SPPL2B: variants seen among roughly 807,000 people sequenced by gnomAD.
SPPL2B encodes the protein signal peptide peptidase like 2B.
In SPPL2B, 39 loss-of-function variants were observed where a neutral mutation model predicts 59.7. The ratio of observed to expected loss-of-function variants is 0.65; its 90% CI spans 0.51 to 0.85. The LOEUF (loss-of-function observed/expected upper bound fraction) is 0.85. Among genes scored for constraint, SPPL2B ranks in the 40% least tolerant of loss-of-function variants. The pLI is 0.00. For synonymous variants in SPPL2B, 419 were observed against 370.8 expected (o/e 1.13, Z -1.49); for missense variants, 865 against 849.0 (o/e 1.02, Z -0.23).
Position 2,339,808 on chromosome 19 carries a change from C to A in SPPL2B, c.600-16C>A. ...AGCCGGCCCCAGGGCCCCACGACCC[C>A]ATGGTGTCTCCCAAGAAGGTACATG... On this transcript the variant is annotated splice_polypyrimidine_tract_variant and intron_variant, in intron 5 of 14. Coordinates refer to ENST00000613503, the MANE Select transcript of SPPL2B (RefSeq NM_152988.3). 1 of 1,602,264 alleles carries A rather than the reference C, an allele frequency of 6.2e-7. No individual in the cohort carries two copies. The highest frequency in any genetic ancestry group is 8.5e-7 in the Non-Finnish European group (1 of 1,174,784).
intron 2 of SPPL2B, 90 bp from the exon 3 acceptor site, chr19:2,337,351 ACT>A: frequency 7.9e-7 from 1 of 1,269,402 alleles, no homozygotes; most frequent in Non-Finnish European, 1.1e-6. Context: ...CTGGGATCTA[ACT>A]CAGCGCAGGC....
At chr19:2,346,894 C>T (rs992788941) in intron 13 of SPPL2B, among the ~76,000 whole-genome samples, 6 of 152,152 alleles carry the variant, frequency 3.9e-5, no homozygotes, top group South Asian at 2.1e-4. Context: ...CGTGGCATGG[C>T]GTCAGAAATA....
intron 10 of SPPL2B, 55 bp from the exon 11 acceptor site, chr19:2,344,278 ACCCTGCCCCCTCGCCCCATCACCCCACTC>A: frequency 2.5e-6 from 1 of 393,818 alleles, no homozygotes; most frequent in Non-Finnish European, 3.7e-6. Flanking sequence ...CCATCGCATC[ACCCTGCCCCCTCGCCCCATCACCCCACTC>A]CCCTGCCCCC....
chr19:2,333,482 C>G (rs1270359313), intron 1 of SPPL2B, among the ~76,000 whole-genome samples: 1 of 152,202 alleles, frequency 6.6e-6, no homozygotes, highest in African/African-American at 2.4e-5. Flanking sequence ...TGGAATCCGT[C>G]TTTCCTCATA....
At position 2,338,859 on chromosome 19, in the gene SPPL2B, C is replaced by T; in HGVS notation, c.459+18C>T. ...TCTTCACGGTAGGTCTGCGCCGGCT[C>T]AGACCCACGCTCCCGAGGAGATGGG... is the stretch of plus-strand genomic sequence containing the variant. On this transcript the variant is annotated intron_variant, in intron 4 of 14. Transcript: ENST00000613503. 10 of 1,609,772 alleles carry T rather than the reference C, an allele frequency of 6.2e-6. No homozygotes were observed. Among genetic ancestry groups the T allele is most frequent in the Non-Finnish European group, 8.5e-6 (10 of 1,176,894 alleles).
chr19:2,343,510 G>T (rs1429709539), intron 9 of SPPL2B, among the ~76,000 whole-genome samples: 1 of 152,208 alleles, frequency 6.6e-6, no homozygotes, highest in Non-Finnish European at 1.5e-5. Context: ...GCGGTTCCCG[G>T]CAGGGGCAAC....
Position 2,341,024 on chromosome 19 carries a change from G to A in SPPL2B, c.956+10G>A. ...TCCGCAACGAGGACCAGTAAGTGCT[G>A]CTTCCCCCGGGCCCCGGCGGGCAGC... is the stretch of plus-strand genomic sequence containing the variant. On this transcript the variant is annotated intron_variant, in intron 8 of 14. Transcript: ENST00000613503. 6.3e-7 allele frequency: 1 copy of A among 1,594,690 alleles called. No homozygotes were observed. The highest frequency in any genetic ancestry group is 8.5e-7 in the Non-Finnish European group (1 of 1,172,038).
At chr19:2,340,336 CT>C (rs1968953605) in intron 7 of SPPL2B, among the ~76,000 whole-genome samples, 164 bp downstream of exon 7, 1 of 152,136 alleles carries the variant, frequency 6.6e-6, no homozygotes, top group Non-Finnish European at 1.5e-5. Context: ...AGGGCGGAGT[CT>C]GGGCGAGCTA....
intron 13 of SPPL2B, 61 bp downstream of exon 13, chr19:2,345,391 C>T: frequency 1.4e-6 from 2 of 1,454,876 alleles, no homozygotes; most frequent in Non-Finnish European, 1.9e-6. Flanking sequence ...CCGACTTAGC[C>T]TCTGTCCTGA....
chr19:2,353,122 C>G lies in SPPL2B; in HGVS notation c.1692C>G (p.Pro564=). The change falls in exon 15 of 15, where the codon CCC becomes CCG. Residue 564 remains proline (P), a synonymous_variant. Transcript: ENST00000613503. ...CCGAGGAGATGGGGGCTGGAGCCCC[C>G]ATGCGGGAGCCTGGGAGCCCAGCTG... is the stretch of plus-strand genomic sequence containing the variant. The part of the protein sequence containing the change: ...RTSEEMGAGA[P]MREPGSPAES... 1.9e-6 allele frequency: 3 copies of G among 1,610,716 alleles called. No homozygotes were observed. The highest frequency in any genetic ancestry group is 2.2e-5 in the South Asian group (2 of 90,946).
rs533181897 is a variant in SPPL2B, at chr19:2,339,965, C to T, written c.741C>T (p.Leu247=). The T allele has an allele frequency of 1.3e-4, 203 of 1,553,160 alleles. 1 individual carries two copies. Among genetic ancestry groups the T allele is most frequent in the South Asian group, 3.2e-4 (27 of 84,386 alleles). ...TGCTCTACTATTTCTACGATCTCCT[C>T]GGTGCGCGGCCCCGGGCGGGTGGGC... ...LVLLYYFYDL[L]VYVVIGIFCL... is the part of the protein sequence containing the mutation. Residue 247 remains leucine (L), a splice_region_variant and synonymous_variant, in exon 6 of 15, where the codon CTC becomes CTT. Coordinates refer to ENST00000613503, the MANE Select transcript of SPPL2B (RefSeq NM_152988.3).
intron 9 of SPPL2B, among the ~76,000 whole-genome samples, chr19:2,343,738 C>T (rs1384803096): frequency 6.6e-6 from 1 of 152,184 alleles, no homozygotes; most frequent in Non-Finnish European, 1.5e-5. Context: ...CCTCCCGTCC[C>T]CGCCTTCCTG....
chr19:2,334,558 G>T, intron 1 of SPPL2B, 44 bp from the exon 2 acceptor site: 6 of 1,579,506 alleles, frequency 3.8e-6, no homozygotes, highest in Non-Finnish European at 5.2e-6. Context: ...GTGCAGCCCC[G>T]CACGTCCCGT....
chr19:2,343,256 C>G lies in SPPL2B; in HGVS notation c.1002C>G (p.Leu334=), dbSNP rs1175958601. Residue 334 remains leucine (L), a synonymous_variant, in exon 9 of 15, where the codon CTC becomes CTG. Coordinates refer to ENST00000613503, the MANE Select transcript of SPPL2B (RefSeq NM_152988.3). ...LQDALGIAFC[L]YMLKTIRLPT... The stretch of plus-strand genomic sequence containing the variant: ...ATGCCCTGGGCATCGCCTTCTGCCT[C>G]TACATGCTGAAGACCATCCGTCTGC... The G allele has an allele frequency of 5.1e-6, 8 of 1,556,330 alleles. No homozygotes were observed. Among genetic ancestry groups the G allele is most frequent in the East Asian group, 2.4e-5 (1 of 41,450 alleles).
At chr19:2,341,447 G>C (rs1969048208) in intron 8 of SPPL2B, 1 of 452,302 alleles carries the variant, frequency 2.2e-6, no homozygotes, top group Admixed American at 2.4e-5. Context: ...GAGCAGTGGT[G>C]GAGGTGGGGC....
chr19:2,340,207 T>C, intron 7 of SPPL2B, 35 bp downstream of exon 7: 1 of 1,484,556 alleles, frequency 6.7e-7, no homozygotes, highest in Non-Finnish European at 9.0e-7. Context: ...CGTGCCTGAC[T>C]CTGTGCGGTG....
rs1363349459 is a variant in SPPL2B at position 2,348,309 on chromosome 19, G to A, written c.1354+2979G>A. Among the ~76,000 whole-genome samples, 221 of 68,596 alleles carry A rather than the reference G, an allele frequency of 3.2e-3. No individual in the cohort carries two copies. The Middle Eastern group carries it at 0.05, about 16-fold the overall frequency. The allele number at this position is 68,596 out of a possible 152,430, so 45.0% of individuals were successfully genotyped here. ...GTTCTCTCCCTCCACACACACACTC[G>A]CGCTCTCATTCGCTTGATGCGGTTC... is the stretch of plus-strand genomic sequence containing the variant. On this transcript the variant is annotated intron_variant, in intron 13 of 14. Coordinates refer to ENST00000613503, the MANE Select transcript of SPPL2B (RefSeq NM_152988.3).
At chr19:2,348,540 T>A (rs1168587168) in intron 13 of SPPL2B, among the ~76,000 whole-genome samples, 1 of 144,744 alleles carries the variant, frequency 6.9e-6, no homozygotes, top group Non-Finnish European at 1.5e-5. Flanking sequence ...CCACACACAC[T>A]CACGTTCTCA....
intron 8 of SPPL2B, chr19:2,341,494 C>G: frequency 2.2e-6 from 1 of 445,808 alleles, no homozygotes; most frequent in Non-Finnish European, 4.6e-6. Context: ...CCCACGTGGC[C>G]TGGACTTGTG....
Sources: gnomAD v4.1 joint callset for allele counts (sites outside exome capture counted in the v4.1 genomes callset) on GRCh38, gnomAD v4.1.1 for gene constraint, MANE v1.5 for transcripts, NCBI Gene and HGNC (gene_info 2026-07-23, HGNC 2026-07-21) for gene names.